Variants in BLTP3A observed in about 807,000 individuals in gnomAD.
BLTP3A encodes bridge-like lipid transfer protein family member 3A, also known as ICBP90 binding protein 1.
chr6:34,843,098 G>T, the BLTP3A span, among the ~76,000 whole-genome samples: 1 of 151,896 alleles, frequency 6.6e-6, no homozygotes. Context: ...ATCCTCCCAC[G>T]TCAGCCTCCC....
At chr6:34,838,873 C>T in the BLTP3A span, among the ~76,000 whole-genome samples, 6 of 152,126 alleles carry the variant, frequency 3.9e-5, no homozygotes, top group Admixed American at 2.0e-4. Context: ...AGAGGTTGCT[C>T]TGAGCCAAGA....
At chr6:34,812,481 T>A in the BLTP3A span, among the ~76,000 whole-genome samples, 3 of 152,206 alleles carry the variant, frequency 2.0e-5, no homozygotes, top group Non-Finnish European at 4.4e-5. Context: ...CATGCAGTTT[T>A]CTTTTTAGAG....
At chr6:34,794,167 A>T in the BLTP3A span, among the ~76,000 whole-genome samples, 1 of 149,702 alleles carries the variant, frequency 6.7e-6, no homozygotes, top group Non-Finnish European at 1.5e-5. Context: ...CAAAAAAAAA[A>T]AAGTATATTT....
At chr6:34,834,367 C>T in the BLTP3A span, 1 of 1,613,714 alleles carries the variant, frequency 6.2e-7, no homozygotes, top group Non-Finnish European at 8.5e-7. Flanking sequence ...AGCAGAGTGA[C>T]CTTCGCCTTA....
At chr6:34,855,694 C>T in the BLTP3A span, 1 of 1,613,592 alleles carries the variant, frequency 6.2e-7, no homozygotes, top group East Asian at 2.2e-5. Context: ...TTACCCTTTC[C>T]ATTGGGCAGG....
the BLTP3A span, chr6:34,857,347 C>A: frequency 6.2e-7 from 1 of 1,614,098 alleles, no homozygotes; most frequent in South Asian, 1.1e-5. Context: ...CGCTGGACAG[C>A]CAAGTAAAAA....
the BLTP3A span, chr6:34,872,417 T>C: frequency 6.2e-7 from 1 of 1,611,308 alleles, no homozygotes; most frequent in African/African-American, 1.3e-5. Context: ...TTAGGAAATA[T>C]AACCCCTTCT....
At chr6:34,867,291 G>A in the BLTP3A span, 34 of 1,613,988 alleles carry the variant, frequency 2.1e-5, no homozygotes, top group South Asian at 3.4e-4. Flanking sequence ...GGTGTTCAAG[G>A]GAGCCCTCTT....
At chr6:34,860,349 T>C in the BLTP3A span, among the ~76,000 whole-genome samples, 1 of 152,178 alleles carries the variant, frequency 6.6e-6, no homozygotes, top group Non-Finnish European at 1.5e-5. Flanking sequence ...GGGTGCCTCA[T>C]GGTTTTAGGA....
the BLTP3A span, among the ~76,000 whole-genome samples, chr6:34,813,605 G>A: frequency 1.3e-5 from 2 of 152,180 alleles, no homozygotes; most frequent in East Asian, 3.8e-4. Flanking sequence ...TAAATAGCAG[G>A]CTGCCATTAG....
At chr6:34,871,850 A>C in the BLTP3A span, 1 of 1,614,230 alleles carries the variant, frequency 6.2e-7, no homozygotes, top group Non-Finnish European at 8.5e-7. Context: ...CAGCTGAAGT[A>C]CTTAAAAGTG....
chr6:34,832,526 C>T, the BLTP3A span, among the ~76,000 whole-genome samples: 1 of 151,834 alleles, frequency 6.6e-6, no homozygotes, highest in Non-Finnish European at 1.5e-5. Flanking sequence ...GCCTCAATCT[C>T]CTGGGCTCAA....
the BLTP3A span, among the ~76,000 whole-genome samples, chr6:34,867,041 C>T: frequency 3.3e-5 from 5 of 152,156 alleles, no homozygotes; most frequent in Admixed American, 2.6e-4. Flanking sequence ...AATGTCATTA[C>T]ACTTTAAAAA....
At chr6:34,825,587 G>T in the BLTP3A span, among the ~76,000 whole-genome samples, 1 of 152,162 alleles carries the variant, frequency 6.6e-6, no homozygotes, top group Admixed American at 6.6e-5. Flanking sequence ...GATCACAGGC[G>T]CGAGCCACTG....
At chr6:34,845,731 A>G in the BLTP3A span, among the ~76,000 whole-genome samples, 1,278 of 151,814 alleles carry the variant, frequency 8.4e-3, 17 homozygotes, top group African/African-American at 0.027. Context: ...TGAGTAGCTG[A>G]GACTACAGGC....
chr6:34,867,179 C>G, the BLTP3A span: 1 of 1,552,604 alleles, frequency 6.4e-7, no homozygotes, highest in Non-Finnish European at 8.7e-7. Flanking sequence ...TGGATTTGAA[C>G]AGAATATTTT....
At chr6:34,807,728 A>G in the BLTP3A span, among the ~76,000 whole-genome samples, 2 of 152,168 alleles carry the variant, frequency 1.3e-5, no homozygotes, top group African/African-American at 4.8e-5. Flanking sequence ...TGAAAGAAAT[A>G]TGGGAATATC....
chr6:34,823,364 C>T, the BLTP3A span: 6 of 1,602,152 alleles, frequency 3.7e-6, no homozygotes, highest in Admixed American at 6.7e-5. Context: ...TTTCTTTGAA[C>T]CCTGTTATTT....
the BLTP3A span, among the ~76,000 whole-genome samples, chr6:34,806,176 T>C: frequency 6.6e-6 from 1 of 152,224 alleles, no homozygotes; most frequent in Admixed American, 6.5e-5. Context: ...TGTATTGTTA[T>C]CAAGTCATTA....
Sources: allele counts gnomAD v4.1 joint callset (sites outside exome capture counted in the v4.1 genomes callset), GRCh38; gene constraint gnomAD v4.1.1; transcripts MANE v1.5; gene names NCBI Gene and HGNC (gene_info 2026-07-23, HGNC 2026-07-21).